Variants in NCR2 observed in about 807,000 individuals in gnomAD.
NCR2 encodes natural cytotoxicity triggering receptor 2.
A neutral mutation model predicts 30.7 loss-of-function variants in NCR2; 35 were observed. The observed-to-expected ratio is 1.14, with a 90% CI of 0.87 to 1.51. NCR2 has a LOEUF of 1.51. Ranked by LOEUF, NCR2 falls within the 40% of genes most tolerant of loss-of-function variation. The pLI is 0.00. For synonymous variants in NCR2, 146 were observed against 134.8 expected (o/e 1.08, Z -0.58); for missense variants, 316 against 328.9 (o/e 0.96, Z 0.30).
At position 41,336,415 on chromosome 6, in the gene NCR2, G is replaced by T; in HGVS notation, c.381G>T (p.Leu127=). Residue 127 remains leucine (L), a synonymous_variant, in exon 2 of 5, where the codon CTG becomes CTT. Transcript: ENST00000373089. The part of the protein sequence containing the change: ...NSVSKSVRFY[L]VVSPASASTQ... ...TCTCTAAGTCCGTCAGATTCTATCT[G>T]GTGGTATCTCCAGGTGAGCTCTTTC... 1.9e-6 allele frequency: 3 copies of T among 1,613,094 alleles called. No individual in the cohort carries two copies. In the South Asian group the frequency reaches 3.3e-5, roughly 18 times the overall value.
chr6:41,342,786 C>T (rs2114058094), intron 4 of NCR2: 1 of 709,230 alleles, frequency 1.4e-6, no homozygotes. Flanking sequence ...ATAGGTGGGG[C>T]TGAGTGAAAG....
intron 4 of NCR2, among the ~76,000 whole-genome samples, chr6:41,343,940 C>A (rs1329908445): frequency 2.0e-5 from 3 of 152,100 alleles, no homozygotes; most frequent in African/African-American, 7.2e-5. Context: ...CAAATCCAGA[C>A]GCCTGGGTCA....
In NCR2 at chr6:41,336,355, C is replaced by T. The variant is rs1228508449; in HGVS notation, c.321C>T (p.Tyr107=). Reference sequence around the variant, plus strand: ...TGAGAGAGGAAGACTCAGGACATTACTGGTGTAGAATCTACCGCCCTTCTG... The same window carrying T: ...TGAGAGAGGAAGACTCAGGACATTATTGGTGTAGAATCTACCGCCCTTCTG... ...TDLREEDSGH[Y]WCRIYRPSDN... is the part of the protein sequence containing the mutation. The change falls in exon 2 of 5, where the codon TAC becomes TAT. Residue 107 remains tyrosine (Y), a synonymous_variant. Coordinates refer to ENST00000373089, the MANE Select transcript of NCR2 (RefSeq NM_004828.4). 1.9e-6 allele frequency: 3 copies of T among 1,614,036 alleles called. No individual in the cohort carries two copies. The highest frequency in any genetic ancestry group is 8.5e-7 in the Non-Finnish European group (1 of 1,180,034).
intron 2 of NCR2, among the ~76,000 whole-genome samples, chr6:41,338,638 T>C (rs1171170182): frequency 4.6e-5 from 7 of 152,256 alleles, no homozygotes; most frequent in African/African-American, 1.4e-4. Context: ...CTTCATATCA[T>C]TGTGTTCAAA....
intron 4 of NCR2, among the ~76,000 whole-genome samples, chr6:41,347,779 G>C (rs1769338180): frequency 6.6e-6 from 1 of 152,216 alleles, no homozygotes; most frequent in Non-Finnish European, 1.5e-5. Flanking sequence ...TTAGTTGGGT[G>C]TTCCTGGCTC....
chr6:41,346,614 C>A (rs1769305537), intron 4 of NCR2, among the ~76,000 whole-genome samples: 1 of 152,176 alleles, frequency 6.6e-6, no homozygotes, highest in African/African-American at 2.4e-5. Flanking sequence ...TTACTCTGTG[C>A]CTGTGTCCAG....
chr6:41,350,104 C>A (rs1428980950), intron 4 of NCR2, among the ~76,000 whole-genome samples: 2 of 152,198 alleles, frequency 1.3e-5, no homozygotes, highest in African/African-American at 4.8e-5. Flanking sequence ...AACCCCCTTC[C>A]TTTTTACCAA....
chr6:41,350,518 C>T (rs1009572310), intron 4 of NCR2, among the ~76,000 whole-genome samples, 160 bp from the exon 5 acceptor site: 2 of 152,176 alleles, frequency 1.3e-5, no homozygotes, highest in African/African-American at 2.4e-5. Context: ...CTCACTGACA[C>T]TTTTCTGGCA....
chr6:41,340,573 C>G, intron 2 of NCR2, among the ~76,000 whole-genome samples: 1 of 152,228 alleles, frequency 6.6e-6, no homozygotes, highest in East Asian at 1.9e-4. Context: ...AACACCCAAG[C>G]TGGTCTATAT....
intron 2 of NCR2, among the ~76,000 whole-genome samples, chr6:41,341,191 A>G (rs1274751397): frequency 6.6e-6 from 1 of 152,028 alleles, no homozygotes; most frequent in African/African-American, 2.4e-5. Flanking sequence ...AGAGACAGCC[A>G]TTCCCCACCT....
At chr6:41,341,988 T>C (rs565864623) in intron 3 of NCR2, 48 bp from the exon 4 acceptor site, 2 of 1,612,446 alleles carry the variant, frequency 1.2e-6, no homozygotes, top group African/African-American at 2.7e-5. Context: ...AGATGGAGAC[T>C]TGCCTCCCCA....
rs771661889 is a variant in NCR2 at position 41,336,098 on chromosome 6, C to T, written c.64C>T (p.Gln22Ter). The change falls in exon 2 of 5, where the codon CAA (glutamine) becomes TAA (stop). Residue 22 changes from glutamine to a stop codon, truncating the protein, a stop_gained. Coordinates refer to ENST00000373089, the MANE Select transcript of NCR2 (RefSeq NM_004828.4). LOFTEE classifies it high-confidence loss of function. ...TCATCATTCTCCAGGCTCTCAGGCA[C>T]AATCCAAGGCTCAGGTACTTCAAAG... is the stretch of plus-strand genomic sequence containing the variant. Reference protein sequence around the residue: ...LLLLFPGSQAQSKAQVLQSVA... With the variant: ...LLLLFPGSQA 30 of 1,612,980 alleles carry T rather than the reference C, an allele frequency of 1.9e-5. No homozygotes were observed. In the South Asian group the frequency reaches 3.2e-4, roughly 17 times the overall value.
At position 41,344,554 on chromosome 6, in the gene NCR2, A is replaced by T. The variant is rs145244269; in HGVS notation, c.644+2405A>T. Reference sequence around the variant, plus strand: ...GGTTACATTCTATTCAAATGTTTTCAATGTACACGATCACATTTTTCATTT... The same window carrying T: ...GGTTACATTCTATTCAAATGTTTTCTATGTACACGATCACATTTTTCATTT... On this transcript the variant is annotated intron_variant, in intron 4 of 4. Coordinates refer to ENST00000373089, the MANE Select transcript of NCR2 (RefSeq NM_004828.4). 4.9e-3 allele frequency among the ~76,000 whole-genome samples: 748 copies of T among 152,330 alleles called. 8 individuals carry two copies. Among genetic ancestry groups the T allele is most frequent in the African/African-American group, 0.016 (682 of 41,572 alleles).
At chr6:41,343,419 G>T (rs1158403544) in intron 4 of NCR2, among the ~76,000 whole-genome samples, 1 of 152,256 alleles carries the variant, frequency 6.6e-6, no homozygotes, top group African/African-American at 2.4e-5. Context: ...GTTCCCAGTT[G>T]CAGTGAGCCA....
In NCR2 at chr6:41,335,779, C is replaced by T. The variant is rs1473768235; in HGVS notation, c.-98C>T. On this transcript the variant is annotated 5_prime_UTR_variant, in exon 1 of 5. The change creates a new upstream start codon in the 5' untranslated region. Coordinates refer to ENST00000373089, the MANE Select transcript of NCR2 (RefSeq NM_004828.4). ...CAGCCTGTCTCATTTTTCTATCAGA[C>T]GTGCTGGAAGAGCAGCAGAATCAGG... 1.4e-5 allele frequency: 19 copies of T among 1,319,998 alleles called. No individual in the cohort carries two copies. The highest frequency in any genetic ancestry group is 2.5e-5 in the South Asian group (2 of 79,034). 81.8% of individuals were successfully genotyped at this position (1,319,998 alleles called of 1,614,324 possible). A position where few individuals can be genotyped will look rare whatever the true frequency, so the allele number is the denominator to read the frequency against.
chr6:41,347,715 T>C (rs753278552), intron 4 of NCR2, among the ~76,000 whole-genome samples: 1 of 152,220 alleles, frequency 6.6e-6, no homozygotes, highest in African/African-American at 2.4e-5. Context: ...ACATATTCAT[T>C]AGGTCACAGG....
intron 2 of NCR2, among the ~76,000 whole-genome samples, chr6:41,337,799 T>C (rs917903783): frequency 6.6e-6 from 1 of 152,216 alleles, no homozygotes; most frequent in East Asian, 1.9e-4. Flanking sequence ...CAATCCTTTA[T>C]CAGTAGCCAG....
intron 4 of NCR2, among the ~76,000 whole-genome samples, chr6:41,349,095 T>A (rs1256791410): frequency 2.0e-5 from 3 of 147,218 alleles, no homozygotes; most frequent in South Asian, 2.1e-4. Context: ...ATTTTATAAA[T>A]TTTTTATATT....
intron 2 of NCR2, among the ~76,000 whole-genome samples, chr6:41,340,134 C>A (rs907359078): frequency 7.8e-6 from 1 of 128,366 alleles, no homozygotes; most frequent in South Asian, 2.6e-4. Flanking sequence ...CACTTTTGGG[C>A]TATAGCTAAC....
Sources: gnomAD v4.1 joint callset for allele counts (sites outside exome capture counted in the v4.1 genomes callset) on GRCh38, gnomAD v4.1.1 for gene constraint, MANE v1.5 for transcripts, NCBI Gene and HGNC (gene_info 2026-07-23, HGNC 2026-07-21) for gene names.